Variants in NLRP9 observed in about 807,000 individuals in gnomAD.
The protein encoded by NLRP9 is NLR family pyrin domain containing 9.
A neutral mutation model predicts 83.1 loss-of-function variants in NLRP9; 88 were observed. That is an observed-to-expected ratio of 1.06 (90% CI 0.89 to 1.26). The LOEUF (loss-of-function observed/expected upper bound fraction) is 1.26. Among genes scored for constraint, NLRP9 ranks in the 50% most tolerant of loss-of-function variants. NLRP9 has a pLI of 0.00. For synonymous variants in NLRP9, 521 were observed against 447.6 expected, an observed-to-expected ratio of 1.16 and a Z score of -2.07; for missense variants, 1,308 against 1,179.3, an observed-to-expected ratio of 1.11 and a Z score of -1.60.
chr19:55,713,192 T>G (rs1306017636), intron 6 of NLRP9, among the ~76,000 whole-genome samples: 1 of 150,456 alleles, frequency 6.6e-6, no homozygotes, highest in Non-Finnish European at 1.5e-5. Flanking sequence ...AATGTCACCT[T>G]TTTGGTGAGC....
Position 55,712,466 on chromosome 19 carries a change from ACTGT to A in NLRP9, c.2622_2625del (p.Arg874SerfsTer13), listed in dbSNP as rs745895758. On this transcript the variant is annotated frameshift_variant, in exon 7 of 9. Coordinates refer to ENST00000332836, the MANE Select transcript of NLRP9 (RefSeq NM_176820.4). LOFTEE classifies it high-confidence loss of function. ...TGAGGATGCTGCAAAGCTGCACATAACTGTCTGACACCAGTGTCTCCTATTTCAT... is the reference window on the plus strand; with the variant it reads ...TGAGGATGCTGCAAAGCTGCACATAACTGACACCAGTGTCTCCTATTTCAT... 4.3e-6 allele frequency: 7 copies of A among 1,612,792 alleles called. No individual in the cohort carries two copies. Among genetic ancestry groups the A allele is most frequent in the African/African-American group, 4.0e-5 (3 of 75,000 alleles).
At position 55,738,247 on chromosome 19, in the gene NLRP9, G is replaced by T; in HGVS notation, c.128C>A (p.Pro43His). The change falls in exon 1 of 9, where the codon CCC becomes CAC. Residue 43 changes from proline (P) to histidine (H), a missense_variant. By Grantham distance (77) the Pro-to-His change is moderately conservative. Transcript: ENST00000332836. ...GGAGGCCTTCTTCAGCTCAGCCCAG[G>T]GGATTGGCTTGAGTTCAAATTTCTC... is the stretch of plus-strand genomic sequence containing the variant. ...PLEKFELKPI[P>H]WAELKKASKE... 3 of 1,614,048 alleles carry T rather than the reference G, an allele frequency of 1.9e-6. No homozygotes were observed. Among genetic ancestry groups the T allele is most frequent in the Non-Finnish European group, 2.5e-6 (3 of 1,180,032 alleles).
chr19:55,734,398 C>G lies in NLRP9; in HGVS notation c.281-848G>C, dbSNP rs561283968. Among the ~76,000 whole-genome samples the G allele has an allele frequency of 2.5e-3, 336 of 133,122 alleles. 4 individuals carry two copies. The highest frequency in any genetic ancestry group is 8.9e-3 in the African/African-American group (321 of 36,190). 87.3% of individuals were successfully genotyped at this position (133,122 alleles called of 152,430 possible). A position where few individuals can be genotyped will look rare whatever the true frequency, so the allele number is the denominator to read the frequency against. On this transcript the variant is annotated intron_variant, in intron 1 of 8. Coordinates refer to ENST00000332836, the MANE Select transcript of NLRP9 (RefSeq NM_176820.4). ...AAAAAAAAAAAAAAAAAAAAAATTA[C>G]TATATCAATTGTTTCTAAAATTGGT... is the stretch of plus-strand genomic sequence containing the variant.
intron 1 of NLRP9, among the ~76,000 whole-genome samples, chr19:55,734,673 C>T (rs1334002845): frequency 1.3e-5 from 2 of 149,738 alleles, no homozygotes; most frequent in Non-Finnish European, 3.0e-5. Flanking sequence ...TCGCTCTTGT[C>T]CCCCAGGCTG....
chr19:55,716,638 C>T, intron 5 of NLRP9, 90 bp downstream of exon 5: 1 of 1,058,248 alleles, frequency 9.4e-7, no homozygotes, highest in Non-Finnish European at 1.4e-6. Context: ...CTGCTGCACC[C>T]CTCAGTGAGC....
At position 55,738,075 on chromosome 19, in the gene NLRP9, C is replaced by A. The variant is rs116837655; in HGVS notation, c.280+20G>T. 6.2e-7 allele frequency: 1 copy of A among 1,612,310 alleles called. No homozygotes were observed. Among genetic ancestry groups the A allele is most frequent in the Non-Finnish European group, 8.5e-7 (1 of 1,178,758 alleles). ...CCCAGGCTTCCCCCATGGGTCCTCGCCCCATCATCCAGCACTTACTTCTCA... is the reference window on the plus strand; with the variant it reads ...CCCAGGCTTCCCCCATGGGTCCTCGACCCATCATCCAGCACTTACTTCTCA... On this transcript the variant is annotated intron_variant, in intron 1 of 8. Transcript: ENST00000332836.
At chr19:55,714,746 A>C (rs1350999470) in intron 6 of NLRP9, among the ~76,000 whole-genome samples, 1 of 152,086 alleles carries the variant, frequency 6.6e-6, no homozygotes, top group Non-Finnish European at 1.5e-5. Context: ...CAACAAATTC[A>C]GTGTCTGGCG....
rs890283859 is a variant in NLRP9, at chr19:55,711,678, G to A, written c.2843+122C>T. 4.1e-6 allele frequency: 4 copies of A among 980,352 alleles called. No homozygotes were observed. In the African/African-American group the frequency reaches 4.9e-5, roughly 12 times the overall value. 60.7% of individuals were successfully genotyped at this position (980,352 alleles called of 1,614,324 possible). On this transcript the variant is annotated intron_variant, in intron 8 of 8. Transcript: ENST00000332836. ...TTTATAGTGTCAACAGGGGCCCAAGGACAGGCCCCCACCACAAACAACCCT... is the reference window on the plus strand; with the variant it reads ...TTTATAGTGTCAACAGGGGCCCAAGAACAGGCCCCCACCACAAACAACCCT...
chr19:55,714,755 C>T (rs560186707), intron 6 of NLRP9, among the ~76,000 whole-genome samples: 5 of 152,186 alleles, frequency 3.3e-5, no homozygotes, highest in Non-Finnish European at 5.9e-5. Flanking sequence ...CAGTGTCTGG[C>T]GAGGGCCACG....
In NLRP9 at chr19:55,723,977, T is replaced by TA; in HGVS notation, c.2159+2dup. 6.2e-7 allele frequency: 1 copy of TA among 1,609,414 alleles called. No homozygotes were observed. Among genetic ancestry groups the TA allele is most frequent in the East Asian group, 2.2e-5 (1 of 44,812 alleles). On this transcript the variant is annotated splice_region_variant and intron_variant, in intron 4 of 8. Coordinates refer to ENST00000332836, the MANE Select transcript of NLRP9 (RefSeq NM_176820.4). The stretch of plus-strand genomic sequence containing the variant: ...GCACTCGGCATGAACAGCCCGGACT[T>TA]ACATCAGCTCTTCTATCTTGCACAT...
intron 3 of NLRP9, among the ~76,000 whole-genome samples, chr19:55,729,387 C>T (rs1248211575): frequency 6.6e-6 from 1 of 152,034 alleles, no homozygotes; most frequent in Non-Finnish European, 1.5e-5. Flanking sequence ...CCTTCCCTCT[C>T]CCCCCACCCC....
At chr19:55,729,056 T>C (rs867873571) in intron 3 of NLRP9, among the ~76,000 whole-genome samples, 228 of 138,748 alleles carry the variant, frequency 1.6e-3, no homozygotes, top group Non-Finnish European at 2.1e-3. Context: ...TTTTCTTTTT[T>C]TTTTTTTTTT....
chr19:55,735,780 C>T lies in NLRP9; in HGVS notation c.281-2230G>A, dbSNP rs534204751. On this transcript the variant is annotated intron_variant, in intron 1 of 8. Transcript: ENST00000332836. Reference sequence around the variant, plus strand: ...GTGGCTCACTGCAACTTCCACCTCCCGGGTTCTAGTGATTCTCGTGCCTCA... The same window carrying T: ...GTGGCTCACTGCAACTTCCACCTCCTGGGTTCTAGTGATTCTCGTGCCTCA... Among the ~76,000 whole-genome samples the T allele has an allele frequency of 2.6e-4, 39 of 152,112 alleles. No individual in the cohort carries two copies. In the Middle Eastern group the frequency reaches 0.01, roughly 40 times the overall value.
rs1189249191 is a variant in NLRP9 at position 55,712,430 on chromosome 19, C to CT, written c.2661dup (p.Glu888ArgfsTer41). 2 of 1,612,214 alleles carry CT rather than the reference C, an allele frequency of 1.2e-6. No individual in the cohort carries two copies. The highest frequency in any genetic ancestry group is 2.2e-5 in the East Asian group (1 of 44,856). ...TCAGTAGATACTCACCCGAGACACT[C>CT]TAATTTACAGTGAGGATGCTGCAAA... On this transcript the variant is annotated frameshift_variant, in exon 7 of 9. Transcript: ENST00000332836. LOFTEE classifies it high-confidence loss of function.
At position 55,716,783 on chromosome 19, in the gene NLRP9, T is replaced by C; in HGVS notation, c.2275A>G (p.Met759Val). Residue 759 changes from methionine to valine, a missense_variant, in exon 5 of 9, where the codon ATG becomes GTG. Met to Val is a conservative substitution (Grantham distance 21, BLOSUM62 1). Coordinates refer to ENST00000332836, the MANE Select transcript of NLRP9 (RefSeq NM_176820.4). ...LVENPLRDEG[M>V]TLLCEALKHS... ...TTCAGGGCTTCACACAGCAACGTCATTCCTTCGTCCCTCAAGGGATTTTCT... is the reference window on the plus strand; with the variant it reads ...TTCAGGGCTTCACACAGCAACGTCACTCCTTCGTCCCTCAAGGGATTTTCT... 1 of 1,613,926 alleles carries C rather than the reference T, an allele frequency of 6.2e-7. No individual in the cohort carries two copies. Among genetic ancestry groups the C allele is most frequent in the Non-Finnish European group, 8.5e-7 (1 of 1,179,918 alleles).
Position 55,715,227 on chromosome 19 carries a change from T to C in NLRP9, c.2331-2A>G. The C allele has an allele frequency of 1.9e-6, 3 of 1,612,252 alleles. No individual in the cohort carries two copies. In the South Asian group the frequency reaches 3.3e-5, roughly 18 times the overall value. On this transcript the variant is annotated splice_acceptor_variant, in intron 5 of 8. Transcript: ENST00000332836. LOFTEE classifies it high-confidence loss of function. ...GAGGTGAGACAGCAGTACATCAACC[T>C]GCAAAGAAACACACCGTCTCCCAGC...
In NLRP9 at chr19:55,729,733, C is replaced by A. The variant is rs980348045; in HGVS notation, c.1994+98G>T. Reference sequence around the variant, plus strand: ...CACTACATTTAACACACTGGATTGCCGCTCTGCATTTATGCATGGGTCTTC... The same window carrying A: ...CACTACATTTAACACACTGGATTGCAGCTCTGCATTTATGCATGGGTCTTC... On this transcript the variant is annotated intron_variant, in intron 3 of 8. Transcript: ENST00000332836. The A allele has an allele frequency of 8.3e-5, 77 of 930,168 alleles. No homozygotes were observed. The African/African-American group carries it at 1.1e-3, about 13-fold the overall frequency. The allele number at this position is 930,168 out of a possible 1,614,324, so 57.6% of individuals were successfully genotyped here. A position where few individuals can be genotyped will look rare whatever the true frequency, so the allele number is the denominator to read the frequency against.
chr19:55,733,222 A>G lies in NLRP9; in HGVS notation c.609T>C (p.Ser203=), dbSNP rs577770962. ...IAETSLLELL[S]RDWPESSEKI... is the part of the protein sequence containing the mutation. ...TCTCTGAAGACTCCGGCCAGTCCCT[A>G]GAGAGGAGCTCCAGTAAGCTGGTCT... The change falls in exon 2 of 9, where the codon TCT becomes TCC. Residue 203 remains serine (S), a synonymous_variant. Coordinates refer to ENST00000332836, the MANE Select transcript of NLRP9 (RefSeq NM_176820.4). The G allele has an allele frequency of 5.6e-6, 9 of 1,613,670 alleles. No individual in the cohort carries two copies. The Admixed American group carries it at 6.7e-5, about 12-fold the overall frequency.
chr19:55,731,772 A>G (rs1280628751), intron 2 of NLRP9, among the ~76,000 whole-genome samples: 2 of 151,722 alleles, frequency 1.3e-5, no homozygotes, highest in African/African-American at 4.8e-5. Context: ...ATCTCACACG[A>G]GCCCTATGAA....
Sources: gnomAD v4.1 joint callset for allele counts (sites outside exome capture counted in the v4.1 genomes callset) on GRCh38, gnomAD v4.1.1 for gene constraint, MANE v1.5 for transcripts, NCBI Gene and HGNC (gene_info 2026-07-23, HGNC 2026-07-21) for gene names.